Variants in LHPP observed in about 807,000 individuals in gnomAD.
LHPP encodes hLHPP.
In LHPP, 24 loss-of-function variants were observed where a neutral mutation model predicts 30.3. The observed-to-expected ratio is 0.79, with a 90% CI of 0.57 to 1.11. The LOEUF (loss-of-function observed/expected upper bound fraction) is 1.11, where lower values mean the gene tolerates loss of function less well. LHPP is among the 50% of genes most tolerant of loss of function. The pLI is 0.00. For synonymous variants in LHPP, 150 were observed against 157.1 expected (o/e 0.95, Z 0.34); for missense variants, 356 against 367.2 (o/e 0.97, Z 0.25).
At chr10:124,538,458 C>T (rs560521176) in intron 6 of LHPP, among the ~76,000 whole-genome samples, 1 of 152,320 alleles carries the variant, frequency 6.6e-6, no homozygotes, top group South Asian at 2.1e-4. Context: ...TTCACAGGAG[C>T]AGCAGGCTGT....
chr10:124,480,254 C>T (rs950133373), intron 1 of LHPP, among the ~76,000 whole-genome samples: 5 of 152,030 alleles, frequency 3.3e-5, no homozygotes, highest in Non-Finnish European at 5.9e-5. Context: ...CCAATGGGAG[C>T]GGACTTACCC....
chr10:124,585,743 A>G (rs746233253), intron 6 of LHPP, among the ~76,000 whole-genome samples: 30 of 151,980 alleles, frequency 2.0e-4, no homozygotes, highest in Admixed American at 1.8e-3. Context: ...GCAGGGACCG[A>G]GCAGCAGGGA....
chr10:124,592,893 A>G lies in LHPP; in HGVS notation c.717-20371A>G, dbSNP rs1268508456. On this transcript the variant is annotated intron_variant, in intron 6 of 6. Coordinates refer to ENST00000368842, the MANE Select transcript of LHPP (RefSeq NM_022126.4). The surrounding 1 kb of genome is among the most constrained non-coding windows in gnomAD (Gnocchi z 6.2). Reference sequence around the variant, plus strand: ...CTTGGATGGGGTCCCTGTGGGCACAATCGGCCCAGTGTGGGGCGCACCGCC... The same window carrying G: ...CTTGGATGGGGTCCCTGTGGGCACAGTCGGCCCAGTGTGGGGCGCACCGCC... Among the ~76,000 whole-genome samples, 1 of 152,172 alleles carries G rather than the reference A, an allele frequency of 6.6e-6. No individual in the cohort carries two copies. The highest frequency in any genetic ancestry group is 1.5e-5 in the Non-Finnish European group (1 of 68,000).
intron 6 of LHPP, among the ~76,000 whole-genome samples, chr10:124,548,000 C>A (rs1490987849): frequency 1.3e-5 from 2 of 152,212 alleles, no homozygotes; most frequent in Non-Finnish European, 2.9e-5. Flanking sequence ...TGAGCCTGGG[C>A]CGGGGTGTGT....
At chr10:124,475,309 TAC>T (rs1952909892) in intron 1 of LHPP, among the ~76,000 whole-genome samples, 1 of 150,510 alleles carries the variant, frequency 6.6e-6, no homozygotes, top group Non-Finnish European at 1.5e-5. Context: ...TGCTGGGGAT[TAC>T]AGGCATGAGC....
chr10:124,554,610 T>C (rs1053945743), intron 6 of LHPP, among the ~76,000 whole-genome samples: 1 of 152,150 alleles, frequency 6.6e-6, no homozygotes, highest in Non-Finnish European at 1.5e-5. Flanking sequence ...GTCCTTGTCA[T>C]CTCTATCATT....
chr10:124,585,486 G>A (rs1040145156), intron 6 of LHPP, among the ~76,000 whole-genome samples: 1 of 151,874 alleles, frequency 6.6e-6, no homozygotes, highest in African/African-American at 2.4e-5. Flanking sequence ...ATGGTGGCTG[G>A]CGCCTGTAGT....
chr10:124,490,772 C>A (rs1953497724), intron 3 of LHPP, among the ~76,000 whole-genome samples: 5 of 152,224 alleles, frequency 3.3e-5, no homozygotes, highest in Admixed American at 3.3e-4. Flanking sequence ...GGCATGTTGC[C>A]AAGTTGTTTC....
At chr10:124,491,415 C>T (rs773475224) in intron 3 of LHPP, among the ~76,000 whole-genome samples, 19 of 152,182 alleles carry the variant, frequency 1.2e-4, no homozygotes, top group Admixed American at 2.6e-4. Context: ...TTGTGTACCC[C>T]GTTTTGTGTA....
chr10:124,595,683 T>G (rs1948933519), intron 6 of LHPP, among the ~76,000 whole-genome samples: 1 of 151,776 alleles, frequency 6.6e-6, no homozygotes, highest in Non-Finnish European at 1.5e-5. Context: ...TGTAGATATC[T>G]CCCTTCTTCC....
In LHPP at chr10:124,555,903, C is replaced by T. The variant is rs116138974; in HGVS notation, c.716+38632C>T. Among the ~76,000 whole-genome samples the T allele has an allele frequency of 2.1e-3, 320 of 152,240 alleles. 3 individuals carry two copies. The highest frequency in any genetic ancestry group is 7.0e-3 in the African/African-American group (292 of 41,524). ...CACCCAAGTCCTCAGGCCATATTCCCCCTTACAGATGAATGAAGTCACTGG... is the reference window on the plus strand; with the variant it reads ...CACCCAAGTCCTCAGGCCATATTCCTCCTTACAGATGAATGAAGTCACTGG... On this transcript the variant is annotated intron_variant, in intron 6 of 6. Coordinates refer to ENST00000368842, the MANE Select transcript of LHPP (RefSeq NM_022126.4).
rs1440309124 is a variant in LHPP at position 124,496,003 on chromosome 10, C to T, written c.468-958C>T. ...GTCAGCATGCGCTCTTCTTCCCTCT[C>T]GTTTTCTGCATACGTGCTTTCTCCA... On this transcript the variant is annotated intron_variant, in intron 3 of 6. Transcript: ENST00000368842. This position sits in a 1 kb window ranked among gnomAD's most constrained non-coding sequence, Gnocchi z 4.3. 1.3e-5 allele frequency among the ~76,000 whole-genome samples: 2 copies of T among 152,196 alleles called. No individual in the cohort carries two copies. Among genetic ancestry groups the T allele is most frequent in the Admixed American group, 6.5e-5 (1 of 15,276 alleles).
At chr10:124,518,886 G>A (rs563922064) in intron 6 of LHPP, among the ~76,000 whole-genome samples, 6 of 152,344 alleles carry the variant, frequency 3.9e-5, no homozygotes, top group South Asian at 2.1e-4. Context: ...AGAAGAGTAC[G>A]AGGTGGGCAT....
At chr10:124,573,299 C>T (rs967415102) in intron 6 of LHPP, among the ~76,000 whole-genome samples, 3 of 152,212 alleles carry the variant, frequency 2.0e-5, no homozygotes, top group Non-Finnish European at 4.4e-5. Flanking sequence ...CCACACTATT[C>T]ATGAGACACC....
intron 6 of LHPP, among the ~76,000 whole-genome samples, chr10:124,539,767 TGGCACACACCTGTA>T (rs1219673308): frequency 6.9e-6 from 1 of 144,966 alleles, no homozygotes. Flanking sequence ...TCAGGCATGG[TGGCACACACCTGTA>T]GTCCCAGCTA....
rs146762762 is a variant in LHPP at position 124,601,221 on chromosome 10, T to A, written c.717-12043T>A. On this transcript the variant is annotated intron_variant, in intron 6 of 6. Coordinates refer to ENST00000368842, the MANE Select transcript of LHPP (RefSeq NM_022126.4). ...GGGAGACATTAGAGAATAGTGGGAG[T>A]GTGGCAGGCTGGGCCCGCCTTGCCC... Among the ~76,000 whole-genome samples the A allele has an allele frequency of 3.7e-3, 557 of 152,028 alleles. 2 individuals carry two copies. Among genetic ancestry groups the A allele is most frequent in the African/African-American group, 0.013 (527 of 41,438 alleles).
intron 6 of LHPP, among the ~76,000 whole-genome samples, chr10:124,571,541 G>A (rs1165673490): frequency 1.3e-5 from 2 of 152,248 alleles, no homozygotes; most frequent in African/African-American, 2.4e-5. Flanking sequence ...CTGCCTAAAA[G>A]CTGTGGACCC....
intron 1 of LHPP, among the ~76,000 whole-genome samples, chr10:124,482,058 TCA>T (rs1953153561): frequency 1.3e-5 from 2 of 152,234 alleles, no homozygotes; most frequent in African/African-American, 4.8e-5. Flanking sequence ...TTTCTGGGAT[TCA>T]GTCCCTCACC....
At chr10:124,553,797 T>C (rs967214285) in intron 6 of LHPP, 5 of 703,138 alleles carry the variant, frequency 7.1e-6, no homozygotes, top group South Asian at 6.4e-5. Flanking sequence ...CCCGGTGATA[T>C]TGTCACCTTG....
Sources: allele counts gnomAD v4.1 joint callset (sites outside exome capture counted in the v4.1 genomes callset), GRCh38; gene constraint gnomAD v4.1.1; non-coding constraint Gnocchi (gnomAD v3.1); transcripts MANE v1.5; gene names NCBI Gene and HGNC (gene_info 2026-07-23, HGNC 2026-07-21).